CEACAM18: variants seen among roughly 807,000 people sequenced by gnomAD.
CEACAM18 encodes CEA cell adhesion molecule 18, also known as cell adhesion molecule CEACAM18.
A neutral mutation model predicts 34.3 loss-of-function variants in CEACAM18; 33 were observed. The observed-to-expected ratio is 0.96, with a 90% CI of 0.73 to 1.29. CEACAM18 has a LOEUF of 1.29. Among genes scored for constraint, CEACAM18 ranks in the 50% most tolerant of loss-of-function variants. The pLI, the probability that CEACAM18 is intolerant of heterozygous loss-of-function variation, is 0.00. For synonymous variants in CEACAM18, 169 were observed against 180.9 expected (o/e 0.93, Z 0.53); for missense variants, 474 against 485.0 (o/e 0.98, Z 0.21).
intron 3 of CEACAM18, among the ~76,000 whole-genome samples, chr19:51,481,966 G>A (rs765341207): frequency 6.6e-6 from 1 of 152,166 alleles, no homozygotes; most frequent in Non-Finnish European, 1.5e-5. Context: ...GGGGACTACT[G>A]AATACCATTG....
chr19:51,485,777 G>A (rs536747775), intron 5 of CEACAM18, among the ~76,000 whole-genome samples: 2 of 152,368 alleles, frequency 1.3e-5, no homozygotes, highest in Admixed American at 1.3e-4. Context: ...ATAATTCTCT[G>A]ATGGGGAAGA....
chr19:51,480,558 G>T (rs1989895065), exon 2 of CEACAM18: 6 of 1,614,022 alleles, frequency 3.7e-6, no homozygotes, highest in Non-Finnish European at 5.1e-6. Context: ...GGCAGGGAGA[G>T]AGTGAACAGA....
intron 2 of CEACAM18, among the ~76,000 whole-genome samples, chr19:51,480,961 T>C (rs1258143493): frequency 6.6e-6 from 1 of 152,146 alleles, no homozygotes; most frequent in East Asian, 1.9e-4. Context: ...TCCTCATCTG[T>C]AGAGTGGGGA....
At chr19:51,481,517 C>G (rs752528622) in exon 3 of CEACAM18, 4 of 1,613,880 alleles carry the variant, frequency 2.5e-6, no homozygotes, top group African/African-American at 1.3e-5. Flanking sequence ...ATGTGCCTAC[C>G]TCTAGTAGTG....
chr19:51,490,797 C>T (rs1990078338), exon 6 of CEACAM18: 1 of 413,924 alleles, frequency 2.4e-6, no homozygotes, highest in Admixed American at 4.4e-5. Context: ...AGTAGGAGGT[C>T]TGCAGACCCC....
At chr19:51,484,965 C>T in intron 4 of CEACAM18, 22 bp from the exon 5 acceptor site, 3 of 1,536,020 alleles carry the variant, frequency 2.0e-6, no homozygotes, top group Non-Finnish European at 2.6e-6. Context: ...GGTCCTGACC[C>T]CCAGGTGTCC....
intron 5 of CEACAM18, among the ~76,000 whole-genome samples, chr19:51,486,752 C>G (rs2122191273): frequency 6.9e-6 from 1 of 144,286 alleles, no homozygotes; most frequent in South Asian, 2.2e-4. Flanking sequence ...GAGTCTCTCT[C>G]TGTTGCCCAG....
chr19:51,481,506 G>A, exon 3 of CEACAM18: 1 of 1,614,052 alleles, frequency 6.2e-7, no homozygotes, highest in Non-Finnish European at 8.5e-7. Flanking sequence ...GTATGTGAAT[G>A]ATGTGCCTAC....
intron 4 of CEACAM18, among the ~76,000 whole-genome samples, chr19:51,483,586 A>G (rs1051009663): frequency 1.5e-5 from 2 of 129,154 alleles, no homozygotes; most frequent in African/African-American, 3.2e-5. Flanking sequence ...GACTCTCACC[A>G]TTTCTCTGGA....
chr19:51,481,646 C>G, exon 3 of CEACAM18: 1 of 1,612,966 alleles, frequency 6.2e-7, no homozygotes, highest in Non-Finnish European at 8.5e-7. Context: ...GAAGTGAACG[C>G]ATCTCTCTGA....
chr19:51,488,482 C>T (rs903010924), intron 5 of CEACAM18, among the ~76,000 whole-genome samples: 1 of 152,200 alleles, frequency 6.6e-6, no homozygotes, highest in African/African-American at 2.4e-5. Flanking sequence ...GTTGTAGGCT[C>T]CTTTGCTAAG....
intron 4 of CEACAM18, among the ~76,000 whole-genome samples, chr19:51,484,636 C>G (rs1324090982): frequency 1.0e-5 from 1 of 99,596 alleles, no homozygotes; most frequent in South Asian, 3.4e-4. Flanking sequence ...AGTTGGTGCT[C>G]AGTGAACATT....
upstream of CEACAM18, chr19:51,478,588 G>A (rs1989849954): frequency 6.8e-7 from 1 of 1,468,696 alleles, no homozygotes. Flanking sequence ...AGGGAGCAGA[G>A]GAGGTGGCTG....
chr19:51,485,752 A>G (rs557308931), intron 5 of CEACAM18, among the ~76,000 whole-genome samples: 2 of 152,342 alleles, frequency 1.3e-5, no homozygotes, highest in South Asian at 4.1e-4. Context: ...CCTCAGCACT[A>G]TCAGCATTGG....
intron 3 of CEACAM18, 66 bp from the exon 4 acceptor site, chr19:51,482,951 G>A: frequency 1.3e-6 from 2 of 1,572,452 alleles, no homozygotes; most frequent in East Asian, 4.5e-5. Context: ...GCTGGGGGAG[G>A]ACTTCATGAG....
At chr19:51,480,762 A>G in intron 2 of CEACAM18, 82 bp downstream of exon 2, 3 of 1,272,074 alleles carry the variant, frequency 2.4e-6, no homozygotes, top group Non-Finnish European at 3.3e-6. Context: ...TATACAGAGC[A>G]TGACACCGGG....
chr19:51,480,418 C>T lies in CEACAM18; in HGVS notation c.138C>T (p.Val46=), dbSNP rs773989271. Residue 46 remains valine, a synonymous_variant, in exon 2 of 6, where the codon GTC becomes GTT. Coordinates refer to ENST00000396477, the Ensembl canonical transcript of CEACAM18. ...TGGGGATCAAGGGATATCGGACTGT[C>T]GTGGCCCTGGATAAGGTCCCTGAGG... 23 of 1,613,178 alleles carry T rather than the reference C, an allele frequency of 1.4e-5. 1 individual carries two copies. The highest frequency in any genetic ancestry group is 1.0e-4 in the Admixed American group (6 of 59,880).
chr19:51,480,501 T>G (rs1290289968), exon 2 of CEACAM18: 4 of 1,613,916 alleles, frequency 2.5e-6, no homozygotes, highest in Non-Finnish European at 2.5e-6. Context: ...AACATGATTA[T>G]CAGCCACAAA....
exon 3 of CEACAM18, chr19:51,481,545 C>G (rs777918408): frequency 1.2e-6 from 2 of 1,613,978 alleles, no homozygotes; most frequent in South Asian, 2.2e-5. Context: ...GACAATTTCC[C>G]CAGACGGCAA....
Sources: gnomAD v4.1 joint callset for allele counts (sites outside exome capture counted in the v4.1 genomes callset) on GRCh38, gnomAD v4.1.1 for gene constraint, MANE v1.5 for transcripts, NCBI Gene and HGNC (gene_info 2026-07-23, HGNC 2026-07-21) for gene names.